TMTC2: variants seen among roughly 807,000 people sequenced by gnomAD.
TMTC2 encodes protein O-mannosyl-transferase TMTC2.
A neutral mutation model predicts 82.4 loss-of-function variants in TMTC2; 43 were observed. The observed-to-expected ratio is 0.52, with a 90% CI of 0.41 to 0.67. The LOEUF (loss-of-function observed/expected upper bound fraction) is 0.67. Ranked by LOEUF, TMTC2 falls within the 30% of genes least tolerant of loss-of-function variation. The pLI is 0.00. For missense variants in TMTC2, 919 were observed against 1,012.4 expected, an observed-to-expected ratio of 0.91 and a Z score of 1.25; for synonymous variants, 408 against 381.9, an observed-to-expected ratio of 1.07 and a Z score of -0.80.
In TMTC2 at chr12:82,705,302, A is replaced by G. The variant is rs1303227893; in HGVS notation, c.83+17633A>G. Among the ~76,000 whole-genome samples, 3 of 152,250 alleles carry G rather than the reference A, an allele frequency of 2.0e-5. No homozygotes were observed. In the South Asian group the frequency reaches 6.2e-4, roughly 31 times the overall value. On this transcript the variant is annotated intron_variant, in intron 1 of 11. Coordinates refer to ENST00000321196, the MANE Select transcript of TMTC2 (RefSeq NM_152588.3). ...CCACTAAAGAACTTACTCGTAACCA[A>G]AGACCATCTGTTCCCCAATAACCTA... is the stretch of plus-strand genomic sequence containing the variant.
intron 1 of TMTC2, among the ~76,000 whole-genome samples, chr12:82,838,792 T>C (rs1321336678): frequency 6.6e-6 from 1 of 151,794 alleles, no homozygotes; most frequent in Non-Finnish European, 1.5e-5. Flanking sequence ...TTGTTTTTTT[T>C]TTTTTTTGAG....
chr12:82,782,777 G>A (rs1297427946), intron 1 of TMTC2, among the ~76,000 whole-genome samples: 2 of 152,142 alleles, frequency 1.3e-5, no homozygotes, highest in East Asian at 1.9e-4. Flanking sequence ...TATTTGTGGC[G>A]TTATGATTCA....
chr12:83,064,595 G>T (rs1882854527), intron 11 of TMTC2, among the ~76,000 whole-genome samples: 1 of 151,812 alleles, frequency 6.6e-6, no homozygotes, highest in Non-Finnish European at 1.5e-5. Context: ...AAACACCACA[G>T]CACAGAGGAA....
At chr12:83,110,533 G>A (rs1884565790) in intron 11 of TMTC2, among the ~76,000 whole-genome samples, 1 of 152,058 alleles carries the variant, frequency 6.6e-6, no homozygotes, top group South Asian at 2.1e-4. Flanking sequence ...TCTTATCAAA[G>A]TTACTAGACT....
chr12:83,044,688 A>G (rs1286541595), intron 9 of TMTC2, among the ~76,000 whole-genome samples: 1 of 152,194 alleles, frequency 6.6e-6, no homozygotes, highest in African/African-American at 2.4e-5. Context: ...ACTTTAATGC[A>G]AATGCTGTTT....
In TMTC2 at chr12:82,705,138, C is replaced by T. The variant is rs575056164; in HGVS notation, c.83+17469C>T. On this transcript the variant is annotated intron_variant, in intron 1 of 11. Transcript: ENST00000321196. The stretch of plus-strand genomic sequence containing the variant: ...TCACTCATAAGTGGGAGCTAAACCA[C>T]GAGTATGTAAAGGCATAAGAATGAC... Among the ~76,000 whole-genome samples the T allele has an allele frequency of 1.7e-3, 255 of 152,126 alleles. 1 individual carries two copies. The highest frequency in any genetic ancestry group is 6.0e-3 in the African/African-American group (247 of 41,492).
chr12:82,944,991 A>G lies in TMTC2; in HGVS notation c.1598+14446A>G, dbSNP rs116899043. The stretch of plus-strand genomic sequence containing the variant: ...ATTAATATGTATTTGTTTCTATCAC[A>G]TAGTGAGGTCTTCAGTACCTCCTTA... On this transcript the variant is annotated intron_variant, in intron 4 of 11. Transcript: ENST00000321196. Among the ~76,000 whole-genome samples the G allele has an allele frequency of 7.7e-3, 1,180 of 152,354 alleles. 3 individuals are homozygous for G. The highest frequency in any genetic ancestry group is 0.011 in the Non-Finnish European group (760 of 68,032).
Position 82,986,063 on chromosome 12 carries a change from CTTGGTCT to C in TMTC2, c.2070+20_2070+26del. ...GCTCTAACAGTGAGTAACCGCCTTCCTTGGTCTTTAAAACTTGGTTTTCTCCATGCAG... is the reference window on the plus strand; with the variant it reads ...GCTCTAACAGTGAGTAACCGCCTTCCTTAAAACTTGGTTTTCTCCATGCAG... On this transcript the variant is annotated intron_variant, in intron 8 of 11. Transcript: ENST00000321196. 1 of 1,613,798 alleles carries C rather than the reference CTTGGTCT, an allele frequency of 6.2e-7. No individual in the cohort carries two copies. The highest frequency in any genetic ancestry group is 8.5e-7 in the Non-Finnish European group (1 of 1,179,800).
intron 8 of TMTC2, among the ~76,000 whole-genome samples, chr12:83,024,482 G>A (rs1050918756): frequency 1.3e-5 from 2 of 152,184 alleles, no homozygotes; most frequent in Non-Finnish European, 1.5e-5. Context: ...TGCATTGGTT[G>A]TGAAAAATAA....
chr12:82,865,100 C>T (rs56658455), intron 2 of TMTC2, among the ~76,000 whole-genome samples: 7,758 of 151,026 alleles, frequency 0.051, 687 homozygotes, highest in African/African-American at 0.18. Flanking sequence ...GGAGGGGTGC[C>T]TGTAATCCCA....
At chr12:82,911,071 A>G (rs1020952742) in intron 3 of TMTC2, among the ~76,000 whole-genome samples, 14 of 151,924 alleles carry the variant, frequency 9.2e-5, no homozygotes, top group African/African-American at 2.7e-4. Flanking sequence ...TAGTAGAGAC[A>G]GAGTTTCACC....
At chr12:83,022,716 A>C (rs1565857541) in intron 8 of TMTC2, among the ~76,000 whole-genome samples, 1 of 151,900 alleles carries the variant, frequency 6.6e-6, no homozygotes, top group Non-Finnish European at 1.5e-5. Flanking sequence ...CATCAGTCTC[A>C]AAAGATCCAG....
At chr12:82,950,908 G>A (rs1392732434) in intron 4 of TMTC2, among the ~76,000 whole-genome samples, 2 of 152,156 alleles carry the variant, frequency 1.3e-5, no homozygotes, top group African/African-American at 4.8e-5. Flanking sequence ...TAGATTGAAT[G>A]CCTACTGTTT....
At chr12:82,728,029 A>C (rs1043698431) in intron 1 of TMTC2, among the ~76,000 whole-genome samples, 2 of 152,162 alleles carry the variant, frequency 1.3e-5, no homozygotes, top group Admixed American at 6.5e-5. Context: ...GCCATGGCTG[A>C]ATATGCAGTC....
intron 1 of TMTC2, among the ~76,000 whole-genome samples, chr12:82,818,415 C>T (rs1868878066): frequency 6.6e-6 from 1 of 152,136 alleles, no homozygotes; most frequent in South Asian, 2.1e-4. Flanking sequence ...TTAATGCCTA[C>T]ATGCTTCTCA....
chr12:83,039,496 A>G (rs1435529461), intron 9 of TMTC2, among the ~76,000 whole-genome samples: 1 of 152,044 alleles, frequency 6.6e-6, no homozygotes, highest in African/African-American at 2.4e-5. Context: ...TCATAATATA[A>G]TAGTACATTT....
At chr12:83,077,255 A>C (rs1303204980) in intron 11 of TMTC2, among the ~76,000 whole-genome samples, 2 of 152,204 alleles carry the variant, frequency 1.3e-5, no homozygotes, top group African/African-American at 4.8e-5. Context: ...TAAGACACTC[A>C]TGGGAGTGGT....
At chr12:83,097,128 AAACT>A (rs751302371) in intron 11 of TMTC2, among the ~76,000 whole-genome samples, 31 of 152,194 alleles carry the variant, frequency 2.0e-4, no homozygotes, top group African/African-American at 5.1e-4. Flanking sequence ...GATCTGCCTG[AAACT>A]AACTAACACA....
At chr12:82,727,936 T>C (rs1022717539) in intron 1 of TMTC2, among the ~76,000 whole-genome samples, 5 of 151,952 alleles carry the variant, frequency 3.3e-5, no homozygotes, top group African/African-American at 1.2e-4. Flanking sequence ...ATGTCTGTTA[T>C]TTTGGTGTCT....
Sources: allele counts gnomAD v4.1 joint callset (sites outside exome capture counted in the v4.1 genomes callset), GRCh38; gene constraint gnomAD v4.1.1; transcripts MANE v1.5; gene names NCBI Gene and HGNC (gene_info 2026-07-23, HGNC 2026-07-21).